PHIP: variants seen among roughly 807,000 people sequenced by gnomAD.
PHIP encodes the protein PH-interacting protein.
A neutral mutation model predicts 236.8 loss-of-function variants in PHIP; 54 were observed. That is an observed-to-expected ratio of 0.23 (90% confidence interval 0.18 to 0.29). The LOEUF is 0.29. PHIP is among the 10% of genes least tolerant of loss of function. The pLI, the probability that PHIP is intolerant of heterozygous loss-of-function variation, is 1.00. For synonymous variants in PHIP, 756 were observed against 718.9 expected, an observed-to-expected ratio of 1.05 and a Z score of -0.83; for missense variants, 1,370 against 2,190.8, an observed-to-expected ratio of 0.63 and a Z score of 7.48.
intron 24 of PHIP, among the ~76,000 whole-genome samples, chr6:78,971,916 G>T (rs1003754393): frequency 6.6e-6 from 1 of 152,192 alleles, no homozygotes; most frequent in African/African-American, 2.4e-5. Context: ...ACAGCAGTCT[G>T]AGGTCAAACT....
intron 4 of PHIP, among the ~76,000 whole-genome samples, chr6:79,067,010 T>A (rs1051061603): frequency 7.9e-5 from 12 of 152,124 alleles, no homozygotes; most frequent in Non-Finnish European, 1.6e-4. Context: ...GACCTCAGCC[T>A]CCAGAGCAGC....
intron 6 of PHIP, 138 bp downstream of exon 6, chr6:79,060,340 A>G: frequency 1.8e-6 from 1 of 557,402 alleles, no homozygotes; most frequent in East Asian, 3.0e-5. Context: ...ACTAAGAAAA[A>G]AAATCTATTT....
chr6:79,049,262 A>G (rs535007317), intron 6 of PHIP, among the ~76,000 whole-genome samples: 2 of 152,052 alleles, frequency 1.3e-5, no homozygotes, highest in Admixed American at 6.5e-5. Flanking sequence ...GGGTTTCACC[A>G]TGTTGGTCAG....
intron 35 of PHIP, among the ~76,000 whole-genome samples, chr6:78,948,192 T>C (rs900982871): frequency 2.6e-5 from 4 of 152,258 alleles, no homozygotes; most frequent in South Asian, 2.1e-4. Flanking sequence ...ATAAAAACAA[T>C]GGAAGTATGC....
intron 39 of PHIP, among the ~76,000 whole-genome samples, chr6:78,944,245 TAAAG>T (rs1012084617): frequency 2.6e-5 from 4 of 152,246 alleles, no homozygotes; most frequent in Admixed American, 2.0e-4. Context: ...AGCCAAGTAA[TAAAG>T]AGTCTTGTGT....
chr6:78,945,589 C>T, intron 38 of PHIP, 92 bp from the exon 39 acceptor site: 1 of 787,174 alleles, frequency 1.3e-6, no homozygotes, highest in East Asian at 2.7e-5. Flanking sequence ...TTAGCCAAGA[C>T]AACAAAACCT....
At chr6:79,059,934 G>A (rs1773282493) in intron 6 of PHIP, among the ~76,000 whole-genome samples, 1 of 151,934 alleles carries the variant, frequency 6.6e-6, no homozygotes, top group African/African-American at 2.4e-5. Flanking sequence ...TACTGGGAGG[G>A]AGAGAGAGAT....
rs745997865 is a variant in PHIP at position 79,025,646 on chromosome 6, TC to T, written c.823-28del. 2.1e-6 allele frequency: 3 copies of T among 1,396,376 alleles called. No homozygotes were observed. In the South Asian group the frequency reaches 3.6e-5, roughly 17 times the overall value. 86.5% of individuals were successfully genotyped at this position (1,396,376 alleles called of 1,614,324 possible). On this transcript the variant is annotated intron_variant, in intron 8 of 39. Transcript: ENST00000275034. ...TGAAAAGACAATCACAGAAAAAAAATCTTTACAAGAGTGACACAGTCAAAAT... is the reference window on the plus strand; with the variant it reads ...TGAAAAGACAATCACAGAAAAAAAATTTTACAAGAGTGACACAGTCAAAAT...
intron 4 of PHIP, among the ~76,000 whole-genome samples, chr6:79,064,189 G>C (rs557450528): frequency 6.6e-6 from 1 of 152,004 alleles, no homozygotes; most frequent in African/African-American, 2.4e-5. Context: ...CTGACTGCAC[G>C]GAAATCCTAC....
chr6:79,026,802 T>C (rs901351058), intron 7 of PHIP, among the ~76,000 whole-genome samples: 5 of 151,826 alleles, frequency 3.3e-5, no homozygotes, highest in Non-Finnish European at 5.9e-5. Flanking sequence ...CCATTTTATA[T>C]AGCCAAAATA....
intron 22 of PHIP, among the ~76,000 whole-genome samples, chr6:78,984,481 C>A (rs1392458154): frequency 1.3e-5 from 2 of 152,166 alleles, no homozygotes; most frequent in East Asian, 3.8e-4. Context: ...ACTCCAGAGT[C>A]CAGCATTCTT....
chr6:78,997,334 A>T, intron 19 of PHIP, 80 bp downstream of exon 19: 1 of 1,245,328 alleles, frequency 8.0e-7, no homozygotes, highest in South Asian at 1.4e-5. Flanking sequence ...TACAGAGCTG[A>T]AAATAACAGC....
Position 79,059,591 on chromosome 6 carries a change from TTATATATATATA to T in PHIP, c.439+875_439+886del, listed in dbSNP as rs72226338. Among the ~76,000 whole-genome samples, 104 of 84,762 alleles carry T rather than the reference TTATATATATATA, an allele frequency of 1.2e-3. 2 individuals are homozygous for T. Among genetic ancestry groups the T allele is most frequent in the Middle Eastern group, 8.2e-3 (1 of 122 alleles). The allele number at this position is 84,762 out of a possible 152,430, so 55.6% of individuals were successfully genotyped here. Reference sequence around the variant, plus strand: ...AGGAAACAAAAAGTTGAAAGCAAAATTATATATATATATATATATATATATATATATATAAAA... The same window carrying T: ...AGGAAACAAAAAGTTGAAAGCAAAATTATATATATATATATATATATAAAA... On this transcript the variant is annotated intron_variant, in intron 6 of 39. Coordinates refer to ENST00000275034, the MANE Select transcript of PHIP (RefSeq NM_017934.7).
At chr6:79,012,178 T>C (rs1770616038) in intron 15 of PHIP, among the ~76,000 whole-genome samples, 1 of 151,688 alleles carries the variant, frequency 6.6e-6, no homozygotes, top group South Asian at 2.1e-4. Flanking sequence ...ATTTCCATTA[T>C]CTTTTGCAAA....
intron 8 of PHIP, 44 bp downstream of exon 8, chr6:79,025,899 T>TAACAAC (rs199694542): frequency 5.2e-6 from 7 of 1,340,830 alleles, no homozygotes; most frequent in East Asian, 2.5e-5. Context: ...CTTTACATTA[T>TAACAAC]AACAACAACA....
chr6:78,971,283 A>AT (rs1187587000), intron 24 of PHIP, among the ~76,000 whole-genome samples: 8 of 152,376 alleles, frequency 5.3e-5, no homozygotes, highest in African/African-American at 1.7e-4. Flanking sequence ...ACTTTCACAT[A>AT]TATTTTAATC....
chr6:79,050,845 G>A (rs141723748), intron 6 of PHIP, among the ~76,000 whole-genome samples: 87 of 152,214 alleles, frequency 5.7e-4, no homozygotes, highest in Admixed American at 1.5e-3. Flanking sequence ...TGACAATTGC[G>A]TATTTGAAAA....
intron 22 of PHIP, 67 bp from the exon 23 acceptor site, chr6:78,983,184 C>G: frequency 2.5e-6 from 2 of 792,256 alleles, no homozygotes. Context: ...TTTATAAAAA[C>G]GAAAAGAAAG....
chr6:79,057,566 G>A (rs543174194), intron 6 of PHIP, among the ~76,000 whole-genome samples: 31 of 151,968 alleles, frequency 2.0e-4, no homozygotes, highest in African/African-American at 6.5e-4. Flanking sequence ...TTAATATTTG[G>A]GATCTATATT....
Sources: allele counts gnomAD v4.1 joint callset (sites outside exome capture counted in the v4.1 genomes callset), GRCh38; gene constraint gnomAD v4.1.1; transcripts MANE v1.5; gene names NCBI Gene and HGNC (gene_info 2026-07-23, HGNC 2026-07-21).